Variants in DPP10 observed in about 807,000 individuals in gnomAD.
DPP10 encodes inactive dipeptidyl peptidase 10.
Under a neutral mutation model 120.9 loss-of-function variants are expected in DPP10, and 33 were observed. The ratio of observed to expected loss-of-function variants is 0.27; its 90% CI spans 0.21 to 0.37. The LOEUF is 0.37. Ranked by LOEUF, DPP10 falls within the 10% of genes least tolerant of loss-of-function variation. The pLI is 1.00. For missense variants in DPP10, 816 were observed against 942.8 expected (o/e 0.87, Z 1.76); for synonymous variants, 337 against 326.1 (o/e 1.03, Z -0.36).
intron 5 of DPP10, among the ~76,000 whole-genome samples, chr2:115,535,255 T>C (rs1380341622): frequency 6.7e-6 from 1 of 149,222 alleles, no homozygotes; most frequent in African/African-American, 2.4e-5. Context: ...GGTCTAACGT[T>C]TAAGTCTTTA....
chr2:115,189,224 T>C (rs1024925996), intron 1 of DPP10, among the ~76,000 whole-genome samples: 2 of 152,192 alleles, frequency 1.3e-5, no homozygotes, highest in African/African-American at 4.8e-5. Flanking sequence ...TCCCCTGTTG[T>C]CTAGGGTTGG....
chr2:115,381,786 C>T (rs1260257920), intron 3 of DPP10, among the ~76,000 whole-genome samples: 1 of 151,650 alleles, frequency 6.6e-6, no homozygotes, highest in Non-Finnish European at 1.5e-5. Flanking sequence ...CAACCCTCAG[C>T]TGCAGGTCTG....
chr2:115,135,219 T>G (rs756170024), intron 1 of DPP10, among the ~76,000 whole-genome samples: 1 of 139,436 alleles, frequency 7.2e-6, no homozygotes, highest in Non-Finnish European at 1.5e-5. Flanking sequence ...TCTTTATAGA[T>G]CCTCTGAAGT....
chr2:115,623,311 ATGTTTTATT>A (rs1448453410), intron 5 of DPP10, among the ~76,000 whole-genome samples: 1 of 152,122 alleles, frequency 6.6e-6, no homozygotes, highest in Non-Finnish European at 1.5e-5. Context: ...GTCCTCAATC[ATGTTTTATT>A]TACAAGTGAT....
chr2:114,904,019 G>T (rs567478521), intron 1 of DPP10, among the ~76,000 whole-genome samples: 1 of 152,252 alleles, frequency 6.6e-6, no homozygotes, highest in East Asian at 1.9e-4. Context: ...AATAGATTTT[G>T]GTACCAGGAG....
intron 7 of DPP10, among the ~76,000 whole-genome samples, chr2:115,726,602 T>G (rs1055250551): frequency 6.6e-6 from 1 of 152,252 alleles, no homozygotes; most frequent in Non-Finnish European, 1.5e-5. Context: ...TTTTAAATTC[T>G]TACTCTGATA....
chr2:115,780,284 G>A (rs1682596756), intron 15 of DPP10, among the ~76,000 whole-genome samples: 1 of 151,804 alleles, frequency 6.6e-6, no homozygotes, highest in Non-Finnish European at 1.5e-5. Context: ...ACCTCATTAT[G>A]TCAAAGTGTG....
chr2:115,204,047 C>T (rs1255507960), intron 1 of DPP10, among the ~76,000 whole-genome samples: 1 of 152,108 alleles, frequency 6.6e-6, no homozygotes, highest in Admixed American at 6.6e-5. Context: ...CTCCCCCTCA[C>T]GTTCTATGAA....
intron 3 of DPP10, chr2:115,467,999 A>G (rs1212474305): frequency 3.3e-6 from 1 of 303,874 alleles, no homozygotes; most frequent in Non-Finnish European, 6.4e-6. Flanking sequence ...TGTGCTACCC[A>G]GAGAAGGGCC....
At chr2:115,706,032 T>C (rs976396679) in intron 7 of DPP10, among the ~76,000 whole-genome samples, 5 of 151,940 alleles carry the variant, frequency 3.3e-5, no homozygotes, top group African/African-American at 1.2e-4. Flanking sequence ...TTAAATTATC[T>C]TAACTATCTT....
chr2:115,274,581 A>C (rs2059833083), intron 1 of DPP10, among the ~76,000 whole-genome samples: 1 of 152,230 alleles, frequency 6.6e-6, no homozygotes, highest in Non-Finnish European at 1.5e-5. Flanking sequence ...GCTTTGATTA[A>C]ATGAATTATT....
intron 1 of DPP10, among the ~76,000 whole-genome samples, chr2:115,048,314 C>T (rs1368167364): frequency 6.6e-6 from 1 of 151,964 alleles, no homozygotes; most frequent in Non-Finnish European, 1.5e-5. Context: ...TAAGTCTTAT[C>T]TAGTATTCCT....
intron 1 of DPP10, among the ~76,000 whole-genome samples, chr2:114,842,180 G>A (rs887505065): frequency 3.3e-5 from 5 of 152,082 alleles, no homozygotes; most frequent in East Asian, 1.9e-4. Context: ...TGAAAGGACC[G>A]GAGGTGATAG....
chr2:114,648,874 T>C (rs759844272), intron 1 of DPP10, among the ~76,000 whole-genome samples: 40 of 152,332 alleles, frequency 2.6e-4, no homozygotes, highest in Middle Eastern at 6.8e-3. Flanking sequence ...AGGTAACTAC[T>C]CTGGTTATCA....
chr2:114,834,491 C>CCATATCTACGCATCTATGTATATATAAGA (rs1553437785), intron 1 of DPP10, among the ~76,000 whole-genome samples: 35 of 149,280 alleles, frequency 2.3e-4, no homozygotes, highest in Non-Finnish European at 4.2e-4. Flanking sequence ...TATATATAAG[C>CCATATCTACGCATCTATGTATATATAAGA]CATATCTACG....
intron 1 of DPP10, among the ~76,000 whole-genome samples, chr2:114,633,461 G>T (rs1695098249): frequency 6.6e-6 from 1 of 150,934 alleles, no homozygotes; most frequent in South Asian, 2.1e-4. Flanking sequence ...CTCCATGTTG[G>T]CCAGGCAGTC....
intron 1 of DPP10, among the ~76,000 whole-genome samples, chr2:114,793,223 G>A (rs146310400): frequency 0.01 from 1,568 of 152,040 alleles, 16 homozygotes; most frequent in Middle Eastern, 0.02. Context: ...AGGTACACAC[G>A]TGCCATGGTG....
chr2:114,937,041 G>A (rs1696539020), intron 1 of DPP10, among the ~76,000 whole-genome samples: 1 of 152,090 alleles, frequency 6.6e-6, no homozygotes, highest in Admixed American at 6.6e-5. Flanking sequence ...TCACTCTGTG[G>A]GTTGTCTGTG....
At chr2:115,642,701 G>T (rs1464706715) in intron 5 of DPP10, among the ~76,000 whole-genome samples, 2 of 150,362 alleles carry the variant, frequency 1.3e-5, no homozygotes, top group South Asian at 2.1e-4. Flanking sequence ...ACACACATAC[G>T]TACAAATATA....
Sources: gnomAD v4.1 joint callset for allele counts (sites outside exome capture counted in the v4.1 genomes callset) on GRCh38, gnomAD v4.1.1 for gene constraint, MANE v1.5 for transcripts, NCBI Gene and HGNC (gene_info 2026-07-23, HGNC 2026-07-21) for gene names.